Variants in CSGALNACT1 observed in about 807,000 individuals in gnomAD.
CSGALNACT1 encodes the protein beta4GalNAcT-1.
CSGALNACT1 carries 52 observed loss-of-function variants against 51.0 expected under a neutral mutation model. That is an observed-to-expected ratio of 1.02 (90% CI 0.82 to 1.29). The LOEUF is 1.29. Among genes scored for constraint, CSGALNACT1 ranks in the 50% most tolerant of loss-of-function variants. CSGALNACT1 has a pLI of 0.00. For synonymous variants in CSGALNACT1, 341 were observed against 254.4 expected (o/e 1.34, Z -3.24); for missense variants, 935 against 679.2 (o/e 1.38, Z -4.19).
At chr8:19,549,747 C>A (rs1019856068) in intron 3 of CSGALNACT1, among the ~76,000 whole-genome samples, 1 of 144,018 alleles carries the variant, frequency 6.9e-6, no homozygotes, top group Non-Finnish European at 1.5e-5. Context: ...ATTTTTGAGA[C>A]CTTGCATTTC....
At chr8:19,472,390 A>G (rs1018630973) in intron 4 of CSGALNACT1, among the ~76,000 whole-genome samples, 1 of 152,282 alleles carries the variant, frequency 6.6e-6, no homozygotes, top group Admixed American at 6.5e-5. Context: ...GACCTCGTCC[A>G]TATGCAACTT....
At chr8:19,538,640 C>T (rs925955824) in intron 3 of CSGALNACT1, among the ~76,000 whole-genome samples, 1 of 152,086 alleles carries the variant, frequency 6.6e-6, no homozygotes, top group East Asian at 1.9e-4. Context: ...GTTTCTTGAA[C>T]TGAGGGAGAC....
chr8:19,736,501 A>G (rs1354063022), intron 1 of CSGALNACT1, among the ~76,000 whole-genome samples: 9 of 146,868 alleles, frequency 6.1e-5, no homozygotes, highest in Non-Finnish European at 1.4e-4. Flanking sequence ...TGAGAAAGTC[A>G]TTAGGTCCCA....
At chr8:19,687,567 C>T (rs556136535), upstream of CSGALNACT1, among the ~76,000 whole-genome samples, 2 of 152,314 alleles carry the variant, frequency 1.3e-5, no homozygotes, top group East Asian at 3.9e-4. Context: ...TTATGTTACT[C>T]CGTCCATGTT....
At chr8:19,662,479 A>G (rs907378306) in intron 1 of CSGALNACT1, among the ~76,000 whole-genome samples, 2 of 152,228 alleles carry the variant, frequency 1.3e-5, no homozygotes, top group Non-Finnish European at 2.9e-5. Context: ...ATCAAAGTTA[A>G]ACTGTTAGGC....
intron 3 of CSGALNACT1, among the ~76,000 whole-genome samples, chr8:19,581,451 TATTA>T (rs1218904498): frequency 1.3e-5 from 2 of 152,228 alleles, no homozygotes; most frequent in Non-Finnish European, 2.9e-5. Flanking sequence ...TTGTGCAACA[TATTA>T]ATTGTGAAAC....
At chr8:19,627,494 A>C (rs1564292770) in intron 1 of CSGALNACT1, among the ~76,000 whole-genome samples, 1 of 152,088 alleles carries the variant, frequency 6.6e-6, no homozygotes, top group Non-Finnish European at 1.5e-5. Flanking sequence ...AGGTAATAAC[A>C]TTTCATAAAA....
intron 5 of CSGALNACT1, among the ~76,000 whole-genome samples, chr8:19,450,993 A>T (rs2063095139): frequency 6.6e-6 from 1 of 152,184 alleles, no homozygotes; most frequent in Admixed American, 6.5e-5. Context: ...AGAACAGAGC[A>T]GTCTTTATTG....
intron 1 of CSGALNACT1, among the ~76,000 whole-genome samples, chr8:19,639,326 G>A (rs935161575): frequency 2.0e-5 from 3 of 152,230 alleles, no homozygotes; most frequent in East Asian, 3.8e-4. Context: ...ACATCATGGG[G>A]TCTGGGGGAA....
chr8:19,685,157 A>T (rs982254221), upstream of CSGALNACT1, among the ~76,000 whole-genome samples: 2 of 152,242 alleles, frequency 1.3e-5, no homozygotes, highest in Admixed American at 1.3e-4. Flanking sequence ...TGGCAATAAA[A>T]ACCTGACGAA....
chr8:19,505,672 C>T (rs1344889534), exon 4 of CSGALNACT1: 2 of 1,614,114 alleles, frequency 1.2e-6, no homozygotes, highest in African/African-American at 1.3e-5. Context: ...TGGTACCCCT[C>T]CTTCCCCGTG....
At chr8:19,623,021 C>T (rs924467744) in intron 1 of CSGALNACT1, among the ~76,000 whole-genome samples, 1 of 152,068 alleles carries the variant, frequency 6.6e-6, no homozygotes, top group Non-Finnish European at 1.5e-5. Flanking sequence ...AGGTAACAAA[C>T]CTGCACATTC....
Position 19,418,738 on chromosome 8 carries a change from AAT to A in CSGALNACT1, c.1143_1144del (p.Phe382LeufsTer18). 1 of 1,609,952 alleles carries A rather than the reference AAT, an allele frequency of 6.2e-7. No homozygotes were observed. The highest frequency in any genetic ancestry group is 8.5e-7 in the Non-Finnish European group (1 of 1,176,186). ...GTACTGACTGAAAAGAACTGGATAA[AAT>A]ACCTTCTTCCCTACAAACCAGAAAA... is the stretch of plus-strand genomic sequence containing the variant. On this transcript the variant is annotated frameshift_variant, in exon 8 of 10. Coordinates refer to ENST00000454498, the Ensembl canonical transcript of CSGALNACT1. LOFTEE classifies it high-confidence loss of function.
chr8:19,588,825 A>G (rs1248860185), intron 3 of CSGALNACT1, among the ~76,000 whole-genome samples: 1 of 152,212 alleles, frequency 6.6e-6, no homozygotes, highest in Non-Finnish European at 1.5e-5. Context: ...CTGTACTTCC[A>G]TATACTACCT....
intron 4 of CSGALNACT1, among the ~76,000 whole-genome samples, chr8:19,468,255 A>ATC (rs1233097637): frequency 5.9e-5 from 9 of 152,190 alleles, no homozygotes; most frequent in Non-Finnish European, 1.2e-4. Flanking sequence ...AGGAAAGATA[A>ATC]TCGTGGAAGC....
intron 1 of CSGALNACT1, among the ~76,000 whole-genome samples, chr8:19,715,690 G>T (rs2062765847): frequency 6.6e-6 from 1 of 152,144 alleles, no homozygotes; most frequent in Non-Finnish European, 1.5e-5. Context: ...ATAAAGATGG[G>T]GGTAAATACA....
chr8:19,624,179 T>C (rs2054170011), intron 1 of CSGALNACT1, among the ~76,000 whole-genome samples: 1 of 152,204 alleles, frequency 6.6e-6, no homozygotes, highest in South Asian at 2.1e-4. Flanking sequence ...TCTGAGATTA[T>C]CTACCATCTA....
intron 2 of CSGALNACT1, among the ~76,000 whole-genome samples, chr8:19,599,528 A>G (rs888195539): frequency 6.8e-5 from 10 of 148,064 alleles, no homozygotes; most frequent in African/African-American, 2.0e-4. Context: ...AAGAAAGAAA[A>G]GAAAGAAAAA....
rs181974005 is a variant in CSGALNACT1 at position 19,469,326 on chromosome 8, G to C, written c.635-10684C>G. Among the ~76,000 whole-genome samples, 94 of 152,306 alleles carry C rather than the reference G, an allele frequency of 6.2e-4. 2 individuals are homozygous for C. In the East Asian group the frequency reaches 0.017, roughly 28 times the overall value. The stretch of plus-strand genomic sequence containing the variant: ...GGATCCCTTGAGCCCAGGAGATCGA[G>C]GCTACAGTAAGCTGTGTGTGCACCA... On this transcript the variant is annotated intron_variant, in intron 4 of 9. Coordinates refer to ENST00000454498, the Ensembl canonical transcript of CSGALNACT1.
Sources: gnomAD v4.1 joint callset for allele counts (sites outside exome capture counted in the v4.1 genomes callset) on GRCh38, gnomAD v4.1.1 for gene constraint, MANE v1.5 for transcripts, NCBI Gene and HGNC (gene_info 2026-07-23, HGNC 2026-07-21) for gene names.